The following FTL variants were observed in gnomAD, a reference collection of about 807,000 sequenced individuals.
FTL encodes the protein ferritin light chain.
FTL carries 17 observed loss-of-function variants against 16.6 expected under a neutral mutation model. The ratio of observed to expected loss-of-function variants is 1.02; its 90% CI spans 0.70 to 1.53. FTL has a LOEUF of 1.53. Ranked by LOEUF, FTL falls within the 40% of genes most tolerant of loss-of-function variation. The pLI is 0.00. For missense variants in FTL, 186 were observed against 226.1 expected (o/e 0.82, Z 1.14); for synonymous variants, 73 against 89.9 (o/e 0.81, Z 1.06).
intron 3 of FTL, 40 bp downstream of exon 3, chr19:48,966,446 C>T (rs1490109425): frequency 6.2e-7 from 1 of 1,614,154 alleles, no homozygotes; most frequent in East Asian, 2.2e-5. Context: ...AACCATACCC[C>T]TCAAGCCTCT....
intron 3 of FTL, 24 bp from the exon 4 acceptor site, chr19:48,966,559 T>A (rs745629401): frequency 3.1e-6 from 5 of 1,613,830 alleles, no homozygotes; most frequent in Non-Finnish European, 4.2e-6. Context: ...ATTGGGTTTC[T>A]AATTTCTCCC....
chr19:48,966,761 G>A lies in FTL; in HGVS notation c.*26G>A, dbSNP rs560486159. ...GAGCCTTCTGAGCCCAGCGACTTCT[G>A]AAGGGCCCCTTGCAAAGTAATAGGG... On this transcript the variant is annotated 3_prime_UTR_variant, in exon 4 of 4. Coordinates refer to ENST00000331825, the MANE Select transcript of FTL (RefSeq NM_000146.4). 8 of 1,611,842 alleles carry A rather than the reference G, an allele frequency of 5.0e-6. No individual in the cohort carries two copies. The highest frequency in any genetic ancestry group is 2.2e-4 in the Middle Eastern group (1 of 4,606).
At position 48,965,914 on chromosome 19, in the gene FTL, A is replaced by G. The variant is rs770196454; in HGVS notation, c.247A>G (p.Lys83Glu). 1.2e-6 allele frequency: 2 copies of G among 1,614,020 alleles called. No individual in the cohort carries two copies. The highest frequency in any genetic ancestry group is 1.7e-6 in the Non-Finnish European group (2 of 1,179,934). The change falls in exon 2 of 4, where the codon AAG becomes GAG. Residue 83 changes from lysine (K) to glutamate (E), a missense_variant and splice_region_variant. Lys to Glu is a moderately conservative substitution (Grantham distance 56). Transcript: ENST00000331825. ...CGGCCGCGCTCTCTTCCAGGACATC[A>G]AGGTAACTAGTGTGTGGGTAATGGA... is the stretch of plus-strand genomic sequence containing the variant. ...RGGRALFQDI[K>E]KPAEDEWGKT...
chr19:48,965,994 G>T (rs1226296124), intron 2 of FTL, 78 bp downstream of exon 2: 2 of 1,548,276 alleles, frequency 1.3e-6, no homozygotes, highest in Admixed American at 3.7e-5. Context: ...GGGCGTAGGT[G>T]TCGCGTGGGC....
chr19:48,966,452 C>G, intron 3 of FTL, 46 bp downstream of exon 3: 1 of 1,614,120 alleles, frequency 6.2e-7, no homozygotes, highest in Non-Finnish European at 8.5e-7. Context: ...ACCCCTCAAG[C>G]CTCTGCTCCC....
chr19:48,966,786 G>A lies in FTL; in HGVS notation c.*51G>A, dbSNP rs777930451. 1.3e-6 allele frequency: 2 copies of A among 1,594,474 alleles called. No homozygotes were observed. The highest frequency in any genetic ancestry group is 3.4e-5 in the Admixed American group (2 of 59,660). On this transcript the variant is annotated 3_prime_UTR_variant, in exon 4 of 4. Coordinates refer to ENST00000331825, the MANE Select transcript of FTL (RefSeq NM_000146.4). ...GAAGGGCCCCTTGCAAAGTAATAGG[G>A]CTTCTGCCTAAGCCTCTCCCTCCAG...
chr19:48,965,699 G>A (rs968533045), intron 1 of FTL, 71 bp from the exon 2 acceptor site: 2 of 1,609,864 alleles, frequency 1.2e-6, no homozygotes, highest in Non-Finnish European at 1.7e-6. Flanking sequence ...TGTGCGGTCG[G>A]GTAAACAGAG....
At position 48,965,463 on chromosome 19, in the gene FTL, C is replaced by T. The variant is rs377594057; in HGVS notation, c.-45C>T. On this transcript the variant is annotated 5_prime_UTR_variant, in exon 1 of 4. Transcript: ENST00000331825. ...CTCGGCCATCTCCTGCTTCTGGGAC[C>T]TGCCAGCACCGTTTTTGTGGTTAGC... 3 of 1,346,482 alleles carry T rather than the reference C, an allele frequency of 2.2e-6. No individual in the cohort carries two copies. Among genetic ancestry groups the T allele is most frequent in the African/African-American group, 1.4e-5 (1 of 69,704 alleles). 83.4% of individuals were successfully genotyped at this position (1,346,482 alleles called of 1,614,324 possible).
At chr19:48,966,084 C>T (rs1568612622) in intron 2 of FTL, 168 bp downstream of exon 2, 4 of 1,178,460 alleles carry the variant, frequency 3.4e-6, no homozygotes, top group Non-Finnish European at 5.0e-6. Context: ...GCCCACAACA[C>T]GCGGCAGTCC....
intron 2 of FTL, 81 bp from the exon 3 acceptor site, chr19:48,966,200 C>T (rs1161623734): frequency 4.1e-5 from 65 of 1,594,620 alleles, no homozygotes; most frequent in Non-Finnish European, 5.4e-5. Context: ...GGCCTCTGAC[C>T]CCCAACGACT....
chr19:48,966,484 G>A (rs1281857114), intron 3 of FTL, 78 bp downstream of exon 3: 2 of 1,613,310 alleles, frequency 1.2e-6, no homozygotes, highest in Admixed American at 1.7e-5. Flanking sequence ...TTCCTTCAGA[G>A]CCTCATTTCA....
intron 1 of FTL, 77 bp downstream of exon 1, chr19:48,965,686 C>T (rs914390553): frequency 4.4e-6 from 7 of 1,608,476 alleles, no homozygotes; most frequent in South Asian, 1.1e-5. Context: ...CGCCAGCCTT[C>T]TTTGTGCGGT....
chr19:48,966,114 G>A (rs1568612638), intron 2 of FTL, 167 bp from the exon 3 acceptor site: 1 of 1,223,430 alleles, frequency 8.2e-7, no homozygotes, highest in Middle Eastern at 2.5e-4. Context: ...CGTGGTCTTA[G>A]GGACGTATAG....
chr19:48,965,445 A>G lies in FTL; in HGVS notation c.-63A>G, dbSNP rs11553204. 4.5e-6 allele frequency: 5 copies of G among 1,112,306 alleles called. No individual in the cohort carries two copies. Among genetic ancestry groups the G allele is most frequent in the Non-Finnish European group, 5.5e-6 (4 of 732,870 alleles). 68.9% of individuals were successfully genotyped at this position (1,112,306 alleles called of 1,614,324 possible). ...AACCTCCGGGACCATCTTCTCGGCC[A>G]TCTCCTGCTTCTGGGACCTGCCAGC... is the stretch of plus-strand genomic sequence containing the variant. On this transcript the variant is annotated 5_prime_UTR_variant, in exon 1 of 4. Coordinates refer to ENST00000331825, the MANE Select transcript of FTL (RefSeq NM_000146.4).
Position 48,966,390 on chromosome 19 carries a change from C to T in FTL, c.359C>T (p.Ala120Val), listed in dbSNP as rs11553210. 6.2e-7 allele frequency: 1 copy of T among 1,614,068 alleles called. No individual in the cohort carries two copies. The highest frequency in any genetic ancestry group is 8.5e-7 in the Non-Finnish European group (1 of 1,180,046). The stretch of plus-strand genomic sequence containing the variant: ...TTGGATCTTCATGCCCTGGGTTCTG[C>T]CCGCACGGACCCCCATGTACGTACC... The part of the protein sequence containing the change: ...ALLDLHALGS[A>V]RTDPHLCDFL... The change falls in exon 3 of 4, where the codon GCC (alanine) becomes GTC (valine). Residue 120 changes from alanine to valine, a missense_variant. Coordinates refer to ENST00000331825, the MANE Select transcript of FTL (RefSeq NM_000146.4).
intron 2 of FTL, 117 bp downstream of exon 2, chr19:48,966,033 G>A (rs765321127): frequency 1.4e-6 from 2 of 1,388,498 alleles, no homozygotes; most frequent in South Asian, 1.2e-5. Context: ...GGTCTTGTGA[G>A]CCCTCTTAAC....
rs545445974 is a variant in FTL, at chr19:48,966,545, A to G, written c.376-38A>G. On this transcript the variant is annotated intron_variant, in intron 3 of 3. Transcript: ENST00000331825. ...TGGCTGCTCTCTCCCCCTCTTTTCC[A>G]GGGATTGGGTTTCTAATTTCTCCCT... 39 of 1,613,174 alleles carry G rather than the reference A, an allele frequency of 2.4e-5. 1 individual carries two copies. In the East Asian group the frequency reaches 6.0e-4, roughly 25 times the overall value.
intron 1 of FTL, 70 bp downstream of exon 1, chr19:48,965,679 C>T (rs2038443742): frequency 1.2e-6 from 2 of 1,605,968 alleles, no homozygotes; most frequent in African/African-American, 2.7e-5. Flanking sequence ...CTGCACGCGC[C>T]AGCCTTCTTT....
intron 2 of FTL, 169 bp from the exon 3 acceptor site, chr19:48,966,112 T>C: frequency 8.3e-7 from 1 of 1,211,828 alleles, no homozygotes; most frequent in Non-Finnish European, 1.2e-6. Context: ...TGCGTGGTCT[T>C]AGGGACGTAT....
Sources: gnomAD v4.1 joint callset for allele counts on GRCh38, gnomAD v4.1.1 for gene constraint, MANE v1.5 for transcripts, NCBI Gene and HGNC (gene_info 2026-07-23, HGNC 2026-07-21) for gene names.